The following SORBS2 variants were observed in gnomAD, a reference collection of about 807,000 sequenced individuals.
The protein encoded by SORBS2 is sorbin and SH3 domain containing 2, also known as sorbin and SH3 domain-containing protein 2.
Under a neutral mutation model 97.7 loss-of-function variants are expected in SORBS2, and 46 were observed. The ratio of observed to expected loss-of-function variants is 0.47; its 90% CI spans 0.37 to 0.60. The LOEUF (loss-of-function observed/expected upper bound fraction) is 0.60, where lower values mean the gene tolerates loss of function less well. SORBS2 is among the 20% of genes least tolerant of loss of function. The pLI is 0.00. For missense variants in SORBS2, 1,316 were observed against 1,282.3 expected (o/e 1.03, Z -0.40); for synonymous variants, 476 against 473.4 (o/e 1.01, Z -0.07).
intron 1 of SORBS2, among the ~76,000 whole-genome samples, chr4:185,827,208 CATCACCAT>C: frequency 6.7e-6 from 1 of 148,304 alleles, no homozygotes; most frequent in Admixed American, 6.8e-5. Flanking sequence ...TCATCACCAT[CATCACCAT>C]CATCACCATC....
intron 1 of SORBS2, among the ~76,000 whole-genome samples, chr4:185,925,692 A>G (rs566815340): frequency 3.8e-4 from 58 of 152,276 alleles, no homozygotes; most frequent in African/African-American, 1.4e-3. Flanking sequence ...TCTGCACTGT[A>G]TCGGTAGGCA....
At chr4:185,588,684 G>A (rs1347757609) in intron 14 of SORBS2, among the ~76,000 whole-genome samples, 6 of 144,310 alleles carry the variant, frequency 4.2e-5, no homozygotes, top group East Asian at 2.3e-4. Context: ...GCATGATCTC[G>A]GCTCACTGCA....
intron 4 of SORBS2, among the ~76,000 whole-genome samples, chr4:185,666,876 A>G (rs184374087): frequency 1.6e-4 from 24 of 152,354 alleles, no homozygotes; most frequent in African/African-American, 5.8e-4. Context: ...AGTTAGAACT[A>G]TGGTTGGCAC....
chr4:185,677,229 T>A, intron 4 of SORBS2: 1 of 1,551,680 alleles, frequency 6.4e-7, no homozygotes. Context: ...TTCGACAGAT[T>A]TGGAGAACTG....
chr4:185,922,610 T>G (rs2099261425), intron 1 of SORBS2, among the ~76,000 whole-genome samples: 1 of 152,256 alleles, frequency 6.6e-6, no homozygotes, highest in Non-Finnish European at 1.5e-5. Context: ...GTTTTATCAT[T>G]TGTAATTAAT....
chr4:185,758,019 G>A (rs2098841316), intron 2 of SORBS2, among the ~76,000 whole-genome samples: 1 of 152,186 alleles, frequency 6.6e-6, no homozygotes, highest in East Asian at 1.9e-4. Flanking sequence ...GATTACAGGT[G>A]CATATATTTT....
intron 1 of SORBS2, among the ~76,000 whole-genome samples, chr4:185,805,848 T>C (rs2099151050): frequency 6.6e-6 from 1 of 152,236 alleles, no homozygotes; most frequent in South Asian, 2.1e-4. Flanking sequence ...CTTCACCAGA[T>C]GACACAGTTA....
At chr4:185,836,966 A>G (rs191413771) in intron 1 of SORBS2, among the ~76,000 whole-genome samples, 22 of 152,270 alleles carry the variant, frequency 1.4e-4, no homozygotes, top group Admixed American at 8.5e-4. Flanking sequence ...CTAAAGTTGT[A>G]TGGTGTTTCT....
At chr4:185,804,478 G>A (rs75220701) in intron 1 of SORBS2, among the ~76,000 whole-genome samples, 12 of 152,288 alleles carry the variant, frequency 7.9e-5, no homozygotes, top group East Asian at 5.8e-4. Context: ...AAGTGGTATC[G>A]GCGCATCTAA....
chr4:185,788,238 A>C (rs1408365877), intron 1 of SORBS2, among the ~76,000 whole-genome samples: 1 of 152,250 alleles, frequency 6.6e-6, no homozygotes, highest in Non-Finnish European at 1.5e-5. Context: ...TGGTAGCATC[A>C]ATGGAGCAAC....
At chr4:185,939,005 A>G (rs1471500511) in intron 1 of SORBS2, among the ~76,000 whole-genome samples, 6 of 152,180 alleles carry the variant, frequency 3.9e-5, no homozygotes, top group African/African-American at 1.4e-4. Flanking sequence ...TGATTCTAAC[A>G]GATTTCCCGA....
At chr4:185,722,229 A>G (rs2098520808) in intron 2 of SORBS2, among the ~76,000 whole-genome samples, 1 of 152,240 alleles carries the variant, frequency 6.6e-6, no homozygotes, top group African/African-American at 2.4e-5. Context: ...AGTGTCAGGG[A>G]CATATGGGTT....
chr4:185,594,270 G>C (rs2096030993), intron 12 of SORBS2, among the ~76,000 whole-genome samples: 1 of 152,098 alleles, frequency 6.6e-6, no homozygotes, highest in African/African-American at 2.4e-5. Flanking sequence ...CACTAGAATA[G>C]GAAATATAGA....
At position 185,684,780 on chromosome 4, in the gene SORBS2, T is replaced by G. The variant is rs775149996; in HGVS notation, c.-197-5958A>C. The G allele has an allele frequency of 1.4e-5, 21 of 1,551,958 alleles. No homozygotes were observed. In the South Asian group the frequency reaches 2.4e-4, roughly 18 times the overall value. On this transcript the variant is annotated intron_variant, in intron 2 of 20. Transcript: ENST00000284776. The surrounding 1 kb of genome is among the most constrained non-coding windows in gnomAD (Gnocchi z 4.2). The stretch of plus-strand genomic sequence containing the variant: ...TGCAGCCAATAGGTTTGGAGAACTT[T>G]GCACTCTCTTCACAGATGTTAGCGT...
At chr4:185,903,989 C>T (rs1451749055) in intron 1 of SORBS2, among the ~76,000 whole-genome samples, 2 of 152,098 alleles carry the variant, frequency 1.3e-5, no homozygotes, top group Non-Finnish European at 2.9e-5. Flanking sequence ...AGCAAAAATA[C>T]CCATTCCTCT....
intron 2 of SORBS2, among the ~76,000 whole-genome samples, chr4:185,650,808 T>C (rs111502644): frequency 1.1e-4 from 16 of 152,242 alleles, no homozygotes; most frequent in African/African-American, 3.6e-4. Flanking sequence ...GGAAACATCT[T>C]TGTGGGCCTG....
intron 1 of SORBS2, among the ~76,000 whole-genome samples, chr4:185,876,190 C>T (rs1361966210): frequency 6.6e-6 from 1 of 152,146 alleles, no homozygotes; most frequent in African/African-American, 2.4e-5. Context: ...CCTTTGCAAC[C>T]CCCACTGCCC....
chr4:185,661,192 C>T (rs957934640), upstream of SORBS2, among the ~76,000 whole-genome samples: 3 of 151,384 alleles, frequency 2.0e-5, no homozygotes, highest in Admixed American at 2.0e-4. Flanking sequence ...AGGAGCATCA[C>T]TGGAACCCAG....
At chr4:185,843,487 G>A (rs934310631) in intron 1 of SORBS2, among the ~76,000 whole-genome samples, 2 of 152,130 alleles carry the variant, frequency 1.3e-5, no homozygotes, top group East Asian at 3.9e-4. Context: ...ATTAATAAAG[G>A]AGCTTAACAA....
Sources: allele counts gnomAD v4.1 joint callset (sites outside exome capture counted in the v4.1 genomes callset), GRCh38; gene constraint gnomAD v4.1.1; non-coding constraint Gnocchi (gnomAD v3.1); transcripts MANE v1.5; gene names NCBI Gene and HGNC (gene_info 2026-07-23, HGNC 2026-07-21).